The following MAP4 variants were observed in gnomAD, a reference collection of about 807,000 sequenced individuals.
MAP4 encodes microtubule associated protein 4, also known as microtubule-associated protein 4.
In MAP4, 76 loss-of-function variants were observed where a neutral mutation model predicts 170.2. The ratio of observed to expected loss-of-function variants is 0.45; its 90% CI spans 0.37 to 0.54. The LOEUF is 0.54. MAP4 is among the 20% of genes least tolerant of loss of function. The pLI is 0.00. For synonymous variants in MAP4, 909 were observed against 994.5 expected (o/e 0.91, Z 1.62); for missense variants, 2,506 against 2,748.0 (o/e 0.91, Z 1.97).
chr3:47,961,220 G>A (rs1026177214), intron 3 of MAP4: 1 of 152,300 alleles, frequency 6.6e-6, no homozygotes, highest in Non-Finnish European at 1.5e-5. Flanking sequence ...ACAGCCAGCA[G>A]GCCAAGCACA....
chr3:47,932,443 G>A (rs1441222390), intron 3 of MAP4, among the ~76,000 whole-genome samples: 2 of 152,120 alleles, frequency 1.3e-5, no homozygotes, highest in Non-Finnish European at 2.9e-5. Flanking sequence ...ATATCCCTAG[G>A]AGTAGAACTG....
At chr3:47,950,408 C>A (rs1010281402) in intron 3 of MAP4, among the ~76,000 whole-genome samples, 1 of 152,096 alleles carries the variant, frequency 6.6e-6, no homozygotes, top group African/African-American at 2.4e-5. Flanking sequence ...CAGTGCTAAG[C>A]ACCTTGCCAA....
At chr3:48,063,647 T>C (rs1026057267) in intron 1 of MAP4, among the ~76,000 whole-genome samples, 2 of 151,810 alleles carry the variant, frequency 1.3e-5, no homozygotes, top group African/African-American at 4.8e-5. Context: ...ACCCAGACAA[T>C]GGAATACTAT....
intron 2 of MAP4, chr3:47,987,348 G>C (rs1254621354): frequency 1.2e-5 from 17 of 1,476,876 alleles, no homozygotes; most frequent in African/African-American, 9.8e-5. Context: ...GTACCACAGA[G>C]GAAAGAGGAA....
intron 10 of MAP4, among the ~76,000 whole-genome samples, chr3:47,885,751 C>T (rs1411099730): frequency 7.0e-6 from 1 of 143,460 alleles, no homozygotes; most frequent in East Asian, 2.0e-4. Flanking sequence ...TTTTTTGAGA[C>T]GGAATCTCGC....
chr3:47,931,972 T>C (rs1346616539), intron 3 of MAP4: 6 of 152,194 alleles, frequency 3.9e-5, no homozygotes, highest in African/African-American at 1.4e-4. Context: ...TTCACTCTTT[T>C]AAAGTCGAGT....
intron 3 of MAP4, among the ~76,000 whole-genome samples, chr3:47,952,537 A>G (rs1465567913): frequency 6.6e-6 from 1 of 152,088 alleles, no homozygotes; most frequent in Non-Finnish European, 1.5e-5. Context: ...TTTGTTCTGT[A>G]CTAAGAAAAA....
upstream of MAP4, among the ~76,000 whole-genome samples, chr3:48,017,490 T>C (rs2100108374): frequency 7.2e-6 from 1 of 138,256 alleles, no homozygotes; most frequent in African/African-American, 3.4e-5. Flanking sequence ...TTTTCTTTTT[T>C]TTTTTTTTTG....
In MAP4 at chr3:48,006,109, C is replaced by T. The variant is rs943957916; in HGVS notation, c.-19-7230G>A. ...TTATACAAACACAAAACTTCTAGGT[C>T]GAATGGACAAAAGACTAATTTGAAT... On this transcript the variant is annotated intron_variant, in intron 1 of 20. Transcript: ENST00000683076. Among the ~76,000 whole-genome samples the T allele has an allele frequency of 5.3e-5, 8 of 152,102 alleles. No individual in the cohort carries two copies. In the East Asian group the frequency reaches 1.5e-3, roughly 29 times the overall value.
chr3:47,888,729 A>G (rs967777856), intron 10 of MAP4, among the ~76,000 whole-genome samples: 1 of 152,374 alleles, frequency 6.6e-6, no homozygotes, highest in South Asian at 2.1e-4. Flanking sequence ...GGACATTTGA[A>G]GCTTAGCAAG....
intron 11 of MAP4, among the ~76,000 whole-genome samples, 154 bp from the exon 12 acceptor site, chr3:47,876,054 C>T (rs1157667372): frequency 6.6e-6 from 1 of 151,658 alleles, no homozygotes; most frequent in African/African-American, 2.4e-5. Flanking sequence ...ATTAGCATTT[C>T]TTTCTTCTGA....
At chr3:47,929,921 G>A (rs1363561385) in intron 3 of MAP4, among the ~76,000 whole-genome samples, 2 of 151,902 alleles carry the variant, frequency 1.3e-5, no homozygotes, top group Non-Finnish European at 2.9e-5. Flanking sequence ...CTGAAGTTAG[G>A]AATTCAAGAC....
intron 2 of MAP4, among the ~76,000 whole-genome samples, chr3:47,995,250 C>CTTTTTTT (rs67017707): frequency 4.5e-5 from 5 of 112,222 alleles, no homozygotes; most frequent in African/African-American, 1.3e-4. Flanking sequence ...TTTTTCTTTT[C>CTTTTTTT]TTTTTTTTTT....
chr3:47,910,058 C>A lies in MAP4; in HGVS notation c.4363G>T (p.Asp1455Tyr). The change falls in exon 9 of 21, where the codon GAT (aspartate) becomes TAT (tyrosine). Residue 1455 changes from aspartate to tyrosine, a missense_variant. Around this residue, in one of 3 missense-constraint regions of MAP4, gnomAD observed 2,008 missense variants for 2,206.0 expected, o/e 0.91. Coordinates refer to ENST00000683076, the MANE Select transcript of MAP4 (RefSeq NM_001385682.1). ...TTTGCCAAGGTATCTGGAAAGGAAT[C>A]ACCTTCCTTTACTACTTGAGGAGTA... ...TPTPQVVKEG[D>Y]SFPDTLAKNG... 7.4e-6 allele frequency: 12 copies of A among 1,613,978 alleles called. No individual in the cohort carries two copies. The highest frequency in any genetic ancestry group is 1.0e-5 in the Non-Finnish European group (12 of 1,179,868).
intron 3 of MAP4, chr3:47,974,051 C>T: frequency 6.1e-6 from 6 of 985,286 alleles, no homozygotes; most frequent in African/African-American, 1.7e-5. Context: ...TTCCGGAAGT[C>T]GCTGCAAGGA....
chr3:48,066,205 A>C (rs1467190847), intron 1 of MAP4, among the ~76,000 whole-genome samples: 1 of 152,284 alleles, frequency 6.6e-6, no homozygotes, highest in East Asian at 1.9e-4. Flanking sequence ...AAAACATTAA[A>C]GGTCATTCAA....
At chr3:47,918,343 C>G (rs1417981240) in intron 6 of MAP4, among the ~76,000 whole-genome samples, 1 of 151,810 alleles carries the variant, frequency 6.6e-6, no homozygotes, top group Non-Finnish European at 1.5e-5. Context: ...TGGTCTGGAA[C>G]TCCTGACCTC....
At chr3:47,970,625 C>T (rs1485521590) in intron 3 of MAP4, among the ~76,000 whole-genome samples, 1 of 151,856 alleles carries the variant, frequency 6.6e-6, no homozygotes, top group Non-Finnish European at 1.5e-5. Flanking sequence ...GCCTGGCCAA[C>T]ATGGTGAAAC....
intron 1 of MAP4, among the ~76,000 whole-genome samples, chr3:48,066,485 T>C (rs1376984489): frequency 1.3e-5 from 2 of 152,040 alleles, no homozygotes; most frequent in African/African-American, 4.8e-5. Context: ...ATCACATATA[T>C]ATATTTTTTA....
Sources: gnomAD v4.1 joint callset for allele counts (sites outside exome capture counted in the v4.1 genomes callset) on GRCh38, gnomAD v4.1.1 for gene constraint, gnomAD v4.1.1 regional missense constraint, MANE v1.5 for transcripts, NCBI Gene and HGNC (gene_info 2026-07-23, HGNC 2026-07-21) for gene names.